The following TMEM63C variants were observed in gnomAD, a reference collection of about 807,000 sequenced individuals.
The protein encoded by TMEM63C is transmembrane protein 63C.
Under a neutral mutation model 99.2 loss-of-function variants are expected in TMEM63C, and 32 were observed. The observed-to-expected ratio is 0.32, with a 90% CI of 0.24 to 0.43. The LOEUF (loss-of-function observed/expected upper bound fraction) is 0.43. TMEM63C is among the 20% of genes least tolerant of loss of function. The pLI is 1.00. For missense variants in TMEM63C, 826 were observed against 1,053.0 expected, an observed-to-expected ratio of 0.78 and a Z score of 2.98; for synonymous variants, 376 against 397.9, an observed-to-expected ratio of 0.94 and a Z score of 0.66.
intron 4 of TMEM63C, among the ~76,000 whole-genome samples, 194 bp downstream of exon 4, chr14:77,219,771 C>T (rs1888656501): frequency 6.6e-6 from 1 of 152,214 alleles, no homozygotes; most frequent in Non-Finnish European, 1.5e-5. Context: ...CCGTGTTTTT[C>T]TCTGGTCTTA....
chr14:77,237,208 C>T (rs1355981988), intron 9 of TMEM63C, among the ~76,000 whole-genome samples: 1 of 152,228 alleles, frequency 6.6e-6, no homozygotes, highest in East Asian at 1.9e-4. Context: ...CCCAGTGGAC[C>T]AGCGGGGGCC....
rs371810752 is a variant in TMEM63C at position 77,222,361 on chromosome 14, C to T, written c.312+2274C>T. Reference sequence around the variant, plus strand: ...CCCAGCTTTCTTTCTCTCCATCACTCCTACCATCCCCTGGTCCAGGCCTCC... The same window carrying T: ...CCCAGCTTTCTTTCTCTCCATCACTTCTACCATCCCCTGGTCCAGGCCTCC... On this transcript the variant is annotated intron_variant, in intron 5 of 23. Transcript: ENST00000298351. Among the ~76,000 whole-genome samples the T allele has an allele frequency of 2.6e-5, 4 of 152,320 alleles. No individual in the cohort carries two copies. In the East Asian group the frequency reaches 7.7e-4, roughly 29 times the overall value.
At chr14:77,255,906 T>C (rs539238897) in intron 23 of TMEM63C, among the ~76,000 whole-genome samples, 1 of 152,202 alleles carries the variant, frequency 6.6e-6, no homozygotes, top group Non-Finnish European at 1.5e-5. Context: ...ATGGGAAAGG[T>C]TTCATTCCAT....
chr14:77,212,445 T>G (rs575232530), intron 1 of TMEM63C: 1 of 152,452 alleles, frequency 6.6e-6, no homozygotes, highest in African/African-American at 2.4e-5. Context: ...CGCTACGCCC[T>G]GCTGGGCTGG....
chr14:77,240,860 G>A (rs1889157966), intron 13 of TMEM63C, among the ~76,000 whole-genome samples: 1 of 151,890 alleles, frequency 6.6e-6, no homozygotes, highest in Non-Finnish European at 1.5e-5. Flanking sequence ...GCACAGAGGT[G>A]GTCAGAGAAG....
chr14:77,253,394 G>T lies in TMEM63C; in HGVS notation c.2220+18G>T. ...CCTCCCTCGTGAGTCCTGAGTCCCA[G>T]GGACAGGTTGGGAGGGTGGTGCTTG... On this transcript the variant is annotated intron_variant, in intron 23 of 23. Transcript: ENST00000298351. 1 of 1,597,034 alleles carries T rather than the reference G, an allele frequency of 6.3e-7. No homozygotes were observed. Among genetic ancestry groups the T allele is most frequent in the East Asian group, 2.3e-5 (1 of 44,072 alleles).
intron 6 of TMEM63C, among the ~76,000 whole-genome samples, chr14:77,230,443 C>T (rs1888917981): frequency 6.6e-6 from 1 of 152,114 alleles, no homozygotes; most frequent in Non-Finnish European, 1.5e-5. Flanking sequence ...TTGTGAGGTT[C>T]AGCTATGGGT....
At chr14:77,243,760 C>T (rs1383825688) in intron 15 of TMEM63C, among the ~76,000 whole-genome samples, 1 of 152,176 alleles carries the variant, frequency 6.6e-6, no homozygotes. Flanking sequence ...CACACATGTG[C>T]ATGCGCACAT....
intron 1 of TMEM63C, among the ~76,000 whole-genome samples, chr14:77,186,228 G>A (rs1257452012): frequency 3.3e-5 from 5 of 152,080 alleles, no homozygotes; most frequent in Non-Finnish European, 5.9e-5. Context: ...GGCCAGGCTA[G>A]TCTCAAACTC....
At chr14:77,251,037 A>G (rs1304176180) in intron 21 of TMEM63C, among the ~76,000 whole-genome samples, 1 of 152,242 alleles carries the variant, frequency 6.6e-6, no homozygotes, top group Non-Finnish European at 1.5e-5. Flanking sequence ...CAAAACTGCG[A>G]TAGTCCATAT....
chr14:77,238,647 C>T, intron 9 of TMEM63C, 47 bp from the exon 10 acceptor site: 1 of 1,503,862 alleles, frequency 6.6e-7, no homozygotes, highest in African/African-American at 1.4e-5. Flanking sequence ...TCTGGAATTC[C>T]TATGCAAGCA....
rs954919371 is a variant in TMEM63C, at chr14:77,256,855, T to A, written c.*129T>A. On this transcript the variant is annotated 3_prime_UTR_variant, in exon 24 of 24. Coordinates refer to ENST00000298351, the MANE Select transcript of TMEM63C (RefSeq NM_020431.4). ...CTTTGAGAAGCCCACAGTGGAGACA[T>A]CCACCACCCCAGCCATGGGCCATAC... 4.7e-6 allele frequency: 4 copies of A among 848,096 alleles called. No homozygotes were observed. Among genetic ancestry groups the A allele is most frequent in the Non-Finnish European group, 7.2e-6 (4 of 555,024 alleles). The allele number at this position is 848,096 out of a possible 1,614,324, so 52.5% of individuals were successfully genotyped here. A position where few individuals can be genotyped will look rare whatever the true frequency, so the allele number is the denominator to read the frequency against.
intron 1 of TMEM63C, among the ~76,000 whole-genome samples, chr14:77,203,613 T>A (rs1888341154): frequency 6.6e-6 from 1 of 152,220 alleles, no homozygotes; most frequent in Admixed American, 6.5e-5. Context: ...ACCACTTGGA[T>A]CTCCTCCACC....
At position 77,215,614 on chromosome 14, in the gene TMEM63C, A is replaced by AAAAAG. The variant is rs59134916; in HGVS notation, c.-14+2121_-14+2125dup. 5.0e-3 allele frequency among the ~76,000 whole-genome samples: 381 copies of AAAAAG among 76,526 alleles called. 8 individuals carry two copies. The highest frequency in any genetic ancestry group is 0.02 in the African/African-American group (354 of 17,826). The allele number at this position is 76,526 out of a possible 152,430, so 50.2% of individuals were successfully genotyped here. On this transcript the variant is annotated intron_variant, in intron 2 of 23. Coordinates refer to ENST00000298351, the MANE Select transcript of TMEM63C (RefSeq NM_020431.4). ...AGACTCTGTCTCAAAAAAAAAAAAA[A>AAAAAG]AAAAGAAAAGAAAAGAAAAAGAAAC... is the stretch of plus-strand genomic sequence containing the variant.
At chr14:77,227,212 G>C (rs1004148027) in intron 6 of TMEM63C, among the ~76,000 whole-genome samples, 1 of 152,208 alleles carries the variant, frequency 6.6e-6, no homozygotes, top group African/African-American at 2.4e-5. Context: ...ATTAGAGAAA[G>C]TCCAAAGTCA....
In TMEM63C at chr14:77,182,776, A is replaced by T. The variant is rs113775911; in HGVS notation, c.-77+882A>T. Among the ~76,000 whole-genome samples, 684 of 152,256 alleles carry T rather than the reference A, an allele frequency of 4.5e-3. 2 individuals carry two copies. The highest frequency in any genetic ancestry group is 6.6e-3 in the Non-Finnish European group (452 of 68,006). On this transcript the variant is annotated intron_variant, in intron 1 of 23. Coordinates refer to ENST00000298351, the MANE Select transcript of TMEM63C (RefSeq NM_020431.4). ...CAGGAGAAAATTGCTCATGAAAAACACCTAAGTGAGCAGAGGGGGTGTGAG... is the reference window on the plus strand; with the variant it reads ...CAGGAGAAAATTGCTCATGAAAAACTCCTAAGTGAGCAGAGGGGGTGTGAG...
At chr14:77,200,103 G>A (rs1312592838) in intron 1 of TMEM63C, among the ~76,000 whole-genome samples, 4 of 152,202 alleles carry the variant, frequency 2.6e-5, no homozygotes, top group African/African-American at 9.6e-5. Flanking sequence ...TGCTGCAGCT[G>A]TAGTTCACTT....
chr14:77,199,265 C>G (rs1306298505), intron 1 of TMEM63C, among the ~76,000 whole-genome samples: 3 of 152,182 alleles, frequency 2.0e-5, no homozygotes, highest in Non-Finnish European at 4.4e-5. Flanking sequence ...TCATGAGATT[C>G]TAGGATAGGA....
chr14:77,215,614 A>AAAAAAAAGAAAAGAAAAGAAAAG (rs772701077), intron 2 of TMEM63C, among the ~76,000 whole-genome samples: 22 of 76,528 alleles, frequency 2.9e-4, no homozygotes, highest in African/African-American at 9.5e-4. Context: ...AAAAAAAAAA[A>AAAAAAAAGAAAAGAAAAGAAAAG]AAAAGAAAAG....
Sources: gnomAD v4.1 joint callset for allele counts (sites outside exome capture counted in the v4.1 genomes callset) on GRCh38, gnomAD v4.1.1 for gene constraint, MANE v1.5 for transcripts, NCBI Gene and HGNC (gene_info 2026-07-23, HGNC 2026-07-21) for gene names.